PITRM1: variants seen among roughly 807,000 people sequenced by gnomAD.
PITRM1 encodes the protein pitrilysin metallopeptidase 1.
In PITRM1, 100 loss-of-function variants were observed where a neutral mutation model predicts 129.9. The observed-to-expected ratio is 0.77, with a 90% CI of 0.65 to 0.91. The LOEUF (loss-of-function observed/expected upper bound fraction) is 0.91. Ranked by LOEUF, PITRM1 falls within the 40% of genes least tolerant of loss-of-function variation. The pLI, the probability that PITRM1 is intolerant of heterozygous loss-of-function variation, is 0.00. For missense variants in PITRM1, 1,471 were observed against 1,318.3 expected (o/e 1.12, Z -1.79); for synonymous variants, 591 against 508.8 (o/e 1.16, Z -2.17).
chr10:3,147,401 G>A, intron 19 of PITRM1, 151 bp from the exon 20 acceptor site: 1 of 932,502 alleles, frequency 1.1e-6, no homozygotes. Context: ...GGGATGCAGG[G>A]TGGTACAAAG....
At position 3,158,150 on chromosome 10, in the gene PITRM1, A is replaced by T; in HGVS notation, c.1140T>A (p.Tyr380Ter). 6.4e-7 allele frequency: 1 copy of T among 1,570,496 alleles called. No individual in the cohort carries two copies. Among genetic ancestry groups the T allele is most frequent in the Non-Finnish European group, 8.7e-7 (1 of 1,143,902 alleles). The change falls in exon 11 of 27, where the codon TAT becomes TAA. Residue 380 changes from tyrosine to a stop codon, truncating the protein, a stop_gained. Coordinates refer to ENST00000224949, the MANE Select transcript of PITRM1 (RefSeq NM_014889.4). LOFTEE classifies it high-confidence loss of function. ...LGTDFSPDVG[Y>*]NGYTREAYFS... ...AGTAGGCCTCCCTCGTGTAGCCATT[A>T]TATCTAGAAGACAAAACCAGAAATG...
At chr10:3,152,006 C>T (rs1300033699) in intron 14 of PITRM1, among the ~76,000 whole-genome samples, 1 of 152,188 alleles carries the variant, frequency 6.6e-6, no homozygotes, top group African/African-American at 2.4e-5. Flanking sequence ...CTTGGCCTCC[C>T]AAAGTGCTGG....
rs760156947 is a variant in PITRM1 at position 3,147,208 on chromosome 10, G to T, written c.2278C>A (p.Pro760Thr). The T allele has an allele frequency of 1.9e-6, 3 of 1,612,700 alleles. No individual in the cohort carries two copies. The East Asian group carries it at 6.7e-5, about 36-fold the overall frequency. ...ATACGCGGGAGCTTCCTCAGGATGG[G>T]TTTGATATCTGTCATTTCTGCAATC... Reference protein sequence around the residue: ...KRIAEMTDIKPILRKLPRIKK... With the variant: ...KRIAEMTDIKTILRKLPRIKK... The change falls in exon 20 of 27, where the codon CCC becomes ACC. Residue 760 changes from proline to threonine, a missense_variant. Transcript: ENST00000224949.
At position 3,148,313 on chromosome 10, in the gene PITRM1, G is replaced by A. The variant is rs368734665; in HGVS notation, c.1872-22C>T. The A allele has an allele frequency of 4.4e-5, 69 of 1,577,272 alleles. No homozygotes were observed. The East Asian group carries it at 6.7e-4, about 15-fold the overall frequency. On this transcript the variant is annotated intron_variant, in intron 16 of 26. Transcript: ENST00000224949. Reference sequence around the variant, plus strand: ...CAGCCTGACACAGCAGAGAAGCATCGCCCCGATTACAAGTCAGTCTTTACT... The same window carrying A: ...CAGCCTGACACAGCAGAGAAGCATCACCCCGATTACAAGTCAGTCTTTACT...
chr10:3,140,650 G>T, intron 24 of PITRM1, 37 bp downstream of exon 24: 1 of 1,562,390 alleles, frequency 6.4e-7, no homozygotes, highest in Non-Finnish European at 8.7e-7. Flanking sequence ...CTAAAACGAC[G>T]TGTGCATCCC....
rs755630663 is a variant in PITRM1, at chr10:3,140,663, T to A, written c.2771+24A>T. ...GACTAAAACGACGTGTGCATCCCAA[T>A]GTGTGAACTAGAGCAAAACTCACCT... On this transcript the variant is annotated intron_variant, in intron 24 of 26. Transcript: ENST00000224949. 5.7e-6 allele frequency: 9 copies of A among 1,586,210 alleles called. No homozygotes were observed. The South Asian group carries it at 1.0e-4, about 18-fold the overall frequency.
chr10:3,157,402 A>C (rs1490257894), intron 12 of PITRM1, 33 bp downstream of exon 12: 1 of 1,382,682 alleles, frequency 7.2e-7, no homozygotes. Flanking sequence ...GTCTATTATA[A>C]AACAAAAACA....
At chr10:3,147,057 C>G (rs1374606128) in intron 20 of PITRM1, 93 bp downstream of exon 20, 1 of 638,870 alleles carries the variant, frequency 1.6e-6, no homozygotes, top group Non-Finnish European at 2.7e-6. Context: ...TTACCAAGCA[C>G]TCTATCTTGA....
rs1271389439 is a variant in PITRM1 at position 3,157,487 on chromosome 10, A to G, written c.1295T>C (p.Ile432Thr). Residue 432 changes from isoleucine (I) to threonine (T), a missense_variant, in exon 12 of 27, where the codon ATT (isoleucine) becomes ACT (threonine). Physicochemically the swap from Ile to Thr is moderately conservative, Grantham distance 89. Transcript: ENST00000224949. ...AGACTGATGTTTCATCTGTATTTCA[A>G]TTTTATGAAGTAAAGCCTCAATTCG... ...DDRIEALLHK[I>T]EIQMKHQSTS... 3 of 1,611,374 alleles carry G rather than the reference A, an allele frequency of 1.9e-6. No individual in the cohort carries two copies. The highest frequency in any genetic ancestry group is 2.2e-5 in the East Asian group (1 of 44,774).
chr10:3,164,963 ACT>A (rs1425272577), intron 6 of PITRM1, among the ~76,000 whole-genome samples: 1 of 152,162 alleles, frequency 6.6e-6, no homozygotes, highest in Non-Finnish European at 1.5e-5. Context: ...ATGAAAAGAC[ACT>A]GTCTTGGTAG....
intron 21 of PITRM1, among the ~76,000 whole-genome samples, chr10:3,144,647 T>G (rs1408578328): frequency 6.6e-6 from 1 of 151,802 alleles, no homozygotes; most frequent in Non-Finnish European, 1.5e-5. Context: ...AACAAAAAAT[T>G]TTTAAAAATT....
chr10:3,159,368 C>A (rs1381840034), intron 9 of PITRM1, among the ~76,000 whole-genome samples: 1 of 152,228 alleles, frequency 6.6e-6, no homozygotes, highest in African/African-American at 2.4e-5. Flanking sequence ...GTGCCAGCCA[C>A]GGAGCTGCAG....
chr10:3,172,794 T>A, upstream of PITRM1: 1 of 1,483,270 alleles, frequency 6.7e-7, no homozygotes, highest in Non-Finnish European at 9.0e-7. Context: ...AGCACCTGGC[T>A]GGCGAGGAAC....
chr10:3,142,502 CTG>C (rs1213418921), intron 23 of PITRM1, among the ~76,000 whole-genome samples: 2 of 152,240 alleles, frequency 1.3e-5, no homozygotes, highest in Non-Finnish European at 2.9e-5. Flanking sequence ...TTGCACATAT[CTG>C]TGTCATACAC....
At chr10:3,143,696 C>T (rs574787236) in intron 22 of PITRM1, 195 bp from the exon 23 acceptor site, 10 of 708,644 alleles carry the variant, frequency 1.4e-5, no homozygotes, top group East Asian at 8.2e-5. Context: ...CAAGGCACTG[C>T]AGTTCCGTCA....
chr10:3,172,788 C>T (rs1237676318), upstream of PITRM1: 1 of 1,510,154 alleles, frequency 6.6e-7, no homozygotes. Context: ...ATGACGAGCA[C>T]CTGGCTGGCG....
At chr10:3,152,699 C>T (rs994953856) in intron 14 of PITRM1, among the ~76,000 whole-genome samples, 15 of 152,232 alleles carry the variant, frequency 9.9e-5, no homozygotes, top group African/African-American at 3.1e-4. Context: ...CTGACTTTCC[C>T]GACCTCACGC....
intron 20 of PITRM1, 50 bp downstream of exon 20, chr10:3,147,095 AACTAT>A: frequency 3.1e-6 from 3 of 979,198 alleles, no homozygotes; most frequent in Non-Finnish European, 4.8e-6. Flanking sequence ...AATACCTAAA[AACTAT>A]ACTTAATAGA....
chr10:3,156,032 C>A (rs951205921), intron 13 of PITRM1, among the ~76,000 whole-genome samples: 6 of 152,154 alleles, frequency 3.9e-5, no homozygotes, highest in African/African-American at 1.4e-4. Flanking sequence ...ATTTTCATTA[C>A]ATCTTAGTTG....
Sources: gnomAD v4.1 joint callset for allele counts (sites outside exome capture counted in the v4.1 genomes callset) on GRCh38, gnomAD v4.1.1 for gene constraint, MANE v1.5 for transcripts, NCBI Gene and HGNC (gene_info 2026-07-23, HGNC 2026-07-21) for gene names.